C4orf17: variants seen among roughly 807,000 people sequenced by gnomAD.
C4orf17 encodes chromosome 4 open reading frame 17, also known as uncharacterized protein C4orf17.
Under a neutral mutation model 32.0 loss-of-function variants are expected in C4orf17, and 25 were observed. The observed-to-expected ratio is 0.78, with a 90% CI of 0.57 to 1.09. The LOEUF is 1.09. Among genes scored for constraint, C4orf17 ranks in the 50% least tolerant of loss-of-function variants. C4orf17 has a pLI of 0.00. For synonymous variants in C4orf17, 149 were observed against 145.8 expected, an observed-to-expected ratio of 1.02 and a Z score of -0.16; for missense variants, 420 against 420.0, an observed-to-expected ratio of 1.00 and a Z score of 0.00.
chr4:99,513,287 AC>A, intron 2 of C4orf17, 79 bp downstream of exon 2: 1 of 1,532,632 alleles, frequency 6.5e-7, no homozygotes, highest in Non-Finnish European at 9.0e-7. Flanking sequence ...GGTAAACACA[AC>A]GCTGCTATTC....
chr4:99,540,461 G>A lies in C4orf17; in HGVS notation c.880+6G>A, dbSNP rs768784044. On this transcript the variant is annotated splice_donor_region_variant and intron_variant, in intron 8 of 8. Transcript: ENST00000326581. ...AAACAAGGAAGTACCAAAAGGTTAAGTACAGTTTTTGGTAACTATTGAGTT... is the reference window on the plus strand; with the variant it reads ...AAACAAGGAAGTACCAAAAGGTTAAATACAGTTTTTGGTAACTATTGAGTT... The A allele has an allele frequency of 9.4e-6, 15 of 1,603,118 alleles. No individual in the cohort carries two copies. Among genetic ancestry groups the A allele is most frequent in the Non-Finnish European group, 1.2e-5 (14 of 1,170,656 alleles).
chr4:99,530,072 G>A lies in C4orf17; in HGVS notation c.546+114G>A, dbSNP rs927059910. On this transcript the variant is annotated intron_variant, in intron 5 of 8. Transcript: ENST00000326581. Reference sequence around the variant, plus strand: ...ATGATTCCTTACTGATAACTGAATTGATTTAAGACTGCTTAGCCTGAAATC... The same window carrying A: ...ATGATTCCTTACTGATAACTGAATTAATTTAAGACTGCTTAGCCTGAAATC... 9.2e-5 allele frequency: 72 copies of A among 784,492 alleles called. 1 individual carries two copies. Among genetic ancestry groups the A allele is most frequent in the Middle Eastern group, 2.6e-4 (1 of 3,898 alleles). The allele number at this position is 784,492 out of a possible 1,614,324, so 48.6% of individuals were successfully genotyped here. A position where few individuals can be genotyped will look rare whatever the true frequency, so the allele number is the denominator to read the frequency against.
chr4:99,532,583 A>T (rs1723493704), intron 5 of C4orf17, among the ~76,000 whole-genome samples: 1 of 152,134 alleles, frequency 6.6e-6, no homozygotes, highest in Non-Finnish European at 1.5e-5. Context: ...AGAATGAGAA[A>T]CTATCCGGAA....
intron 2 of C4orf17, among the ~76,000 whole-genome samples, chr4:99,514,594 A>T (rs1314650723): frequency 6.6e-6 from 1 of 152,186 alleles, no homozygotes; most frequent in Non-Finnish European, 1.5e-5. Context: ...AATTAAGTTA[A>T]AAAAACAATA....
rs1723560186 is a variant in C4orf17, at chr4:99,536,272, G to T, written c.547-1397G>T. The T allele has an allele frequency of 2.8e-5, 5 of 176,526 alleles. No individual in the cohort carries two copies. The South Asian group carries it at 5.9e-4, about 21-fold the overall frequency. 10.9% of individuals were successfully genotyped at this position (176,526 alleles called of 1,614,324 possible). A position where few individuals can be genotyped will look rare whatever the true frequency, so the allele number is the denominator to read the frequency against. ...AAGAGCAGGTATGCTGCATTGTGGG[G>T]AACTCTTCCACGTCCAGACCTGGAC... On this transcript the variant is annotated intron_variant, in intron 5 of 8. Transcript: ENST00000326581.
At chr4:99,515,294 C>G (rs1723161780) in intron 2 of C4orf17, among the ~76,000 whole-genome samples, 1 of 152,136 alleles carries the variant, frequency 6.6e-6, no homozygotes. Context: ...ATGGACTCAA[C>G]CTAAGTGCCC....
At chr4:99,535,907 A>G in intron 5 of C4orf17, 1 of 448,696 alleles carries the variant, frequency 2.2e-6, no homozygotes, top group South Asian at 1.6e-5. Context: ...TGACCTTTAA[A>G]TGGGATTTTT....
At chr4:99,532,607 T>C (rs1723494100) in intron 5 of C4orf17, among the ~76,000 whole-genome samples, 1 of 152,088 alleles carries the variant, frequency 6.6e-6, no homozygotes, top group Non-Finnish European at 1.5e-5. Context: ...TGTTCACTAT[T>C]TGCGTGATGG....
chr4:99,536,744 C>G (rs761171487), intron 5 of C4orf17, among the ~76,000 whole-genome samples: 6 of 152,160 alleles, frequency 3.9e-5, no homozygotes, highest in Admixed American at 2.0e-4. Flanking sequence ...TCATTAGAAC[C>G]CTGTGGTACA....
chr4:99,541,962 T>C lies in C4orf17; in HGVS notation c.933T>C (p.Pro311=). 3 of 1,613,958 alleles carry C rather than the reference T, an allele frequency of 1.9e-6. No individual in the cohort carries two copies. Among genetic ancestry groups the C allele is most frequent in the Non-Finnish European group, 2.5e-6 (3 of 1,179,902 alleles). Residue 311 remains proline (P), a synonymous_variant, in exon 9 of 9, where the codon CCT becomes CCC. Coordinates refer to ENST00000326581, the MANE Select transcript of C4orf17 (RefSeq NM_032149.3). The part of the protein sequence containing the change: ...LLIRRNNMKI[P]VAEYFSKPNS... ...TAAGAAGAAATAATATGAAAATACC[T>C]GTTGCAGAATATTTCAGCAAACCAA...
At chr4:99,533,873 A>G (rs1723516740) in intron 5 of C4orf17, among the ~76,000 whole-genome samples, 1 of 152,218 alleles carries the variant, frequency 6.6e-6, no homozygotes, top group African/African-American at 2.4e-5. Flanking sequence ...GCCCTGCAAT[A>G]GAGGCTACTC....
chr4:99,513,215 T>G lies in C4orf17; in HGVS notation c.127+7T>G, dbSNP rs779793687. ...AGAGTCTGCCACATCAAAGGTAAGGTGACTTAAGGTCCTAGTATGTGTCTC... is the reference window on the plus strand; with the variant it reads ...AGAGTCTGCCACATCAAAGGTAAGGGGACTTAAGGTCCTAGTATGTGTCTC... On this transcript the variant is annotated splice_region_variant and intron_variant, in intron 2 of 8. Coordinates refer to ENST00000326581, the MANE Select transcript of C4orf17 (RefSeq NM_032149.3). The G allele has an allele frequency of 3.1e-6, 5 of 1,613,582 alleles. No individual in the cohort carries two copies. In the South Asian group the frequency reaches 3.3e-5, roughly 11 times the overall value.
chr4:99,535,136 T>C (rs1302890829), intron 5 of C4orf17, among the ~76,000 whole-genome samples: 1 of 152,174 alleles, frequency 6.6e-6, no homozygotes, highest in Middle Eastern at 3.2e-3. Flanking sequence ...CCTTTGTAGG[T>C]GACCTGGCCT....
At chr4:99,516,107 T>C (rs1036535268) in intron 2 of C4orf17, among the ~76,000 whole-genome samples, 1 of 152,208 alleles carries the variant, frequency 6.6e-6, no homozygotes, top group African/African-American at 2.4e-5. Context: ...ACAGGAAAGC[T>C]GAAAGGGAGA....
intron 5 of C4orf17, among the ~76,000 whole-genome samples, chr4:99,531,861 A>AAG (rs1723482890): frequency 6.6e-6 from 1 of 151,748 alleles, no homozygotes; most frequent in East Asian, 1.9e-4. Context: ...CTACAAAAAA[A>AAG]TGTGTAATAT....
Position 99,529,454 on chromosome 4 carries a change from C to T in C4orf17, c.403-361C>T, listed in dbSNP as rs373973319. Among the ~76,000 whole-genome samples the T allele has an allele frequency of 1.1e-4, 17 of 152,306 alleles. 1 individual carries two copies. Among genetic ancestry groups the T allele is most frequent in the African/African-American group, 3.8e-4 (16 of 41,582 alleles). Reference sequence around the variant, plus strand: ...TTCACAGACAAAGCATAAAACCTCTCAGCTGTCTTTTCCTGGCCATAAAAG... The same window carrying T: ...TTCACAGACAAAGCATAAAACCTCTTAGCTGTCTTTTCCTGGCCATAAAAG... On this transcript the variant is annotated intron_variant, in intron 4 of 8. Coordinates refer to ENST00000326581, the MANE Select transcript of C4orf17 (RefSeq NM_032149.3).
intron 5 of C4orf17, among the ~76,000 whole-genome samples, chr4:99,530,715 G>A (rs1019758223): frequency 6.6e-6 from 1 of 151,868 alleles, no homozygotes; most frequent in Non-Finnish European, 1.5e-5. Flanking sequence ...GCCTAACAAA[G>A]AAGTATTTTA....
chr4:99,524,606 GCTAT>G (rs61598233), intron 4 of C4orf17, 21 bp downstream of exon 4: 320,478 of 1,442,526 alleles, frequency 0.22, 38,124 homozygotes, highest in South Asian at 0.32. Context: ...GCTATTTACT[GCTAT>G]CTATTTAGTT....
intron 2 of C4orf17, among the ~76,000 whole-genome samples, chr4:99,522,243 G>T (rs1384563696): frequency 2.0e-5 from 3 of 152,002 alleles, no homozygotes; most frequent in Admixed American, 2.0e-4. Flanking sequence ...CGACGATGTG[G>T]TCTGGCCCTG....
Sources: allele counts gnomAD v4.1 joint callset (sites outside exome capture counted in the v4.1 genomes callset), GRCh38; gene constraint gnomAD v4.1.1; transcripts MANE v1.5; gene names NCBI Gene and HGNC (gene_info 2026-07-23, HGNC 2026-07-21).